The following ADAM12 variants were observed in gnomAD, a reference collection of about 807,000 sequenced individuals.
ADAM12 encodes ADAM metallopeptidase domain 12.
In ADAM12, 70 loss-of-function variants were observed where a neutral mutation model predicts 106.4. The observed-to-expected ratio is 0.66, with a 90% CI of 0.54 to 0.80. ADAM12 has a LOEUF of 0.80. Ranked by LOEUF, ADAM12 falls within the 30% of genes least tolerant of loss-of-function variation. The pLI is 0.00. For synonymous variants in ADAM12, 420 were observed against 433.5 expected (o/e 0.97, Z 0.39); for missense variants, 1,010 against 1,171.9 (o/e 0.86, Z 2.02).
At chr10:126,319,159 G>A (rs1484942583) in intron 2 of ADAM12, among the ~76,000 whole-genome samples, 2 of 152,156 alleles carry the variant, frequency 1.3e-5, no homozygotes, top group Non-Finnish European at 2.9e-5. Context: ...TAAATAGGGA[G>A]CACAGACAAA....
chr10:126,271,779 G>A (rs181450490), intron 3 of ADAM12, among the ~76,000 whole-genome samples: 1 of 152,290 alleles, frequency 6.6e-6, no homozygotes, highest in African/African-American at 2.4e-5. Flanking sequence ...CAAATGAAAA[G>A]CAGAATCTTA....
intron 3 of ADAM12, among the ~76,000 whole-genome samples, chr10:126,177,799 A>G (rs568743213): frequency 2.3e-4 from 35 of 152,330 alleles, no homozygotes; most frequent in Non-Finnish European, 4.6e-4. Context: ...ATTGCAACAA[A>G]GAATGGGAAT....
At chr10:126,364,775 G>A (rs985094148) in intron 1 of ADAM12, among the ~76,000 whole-genome samples, 7 of 152,012 alleles carry the variant, frequency 4.6e-5, no homozygotes, top group Non-Finnish European at 8.8e-5. Flanking sequence ...TAAAAATAAG[G>A]GGGGAAATTA....
chr10:126,337,498 CTCAGCAAGCCAGA>C (rs1854746708), intron 1 of ADAM12, among the ~76,000 whole-genome samples: 1 of 152,196 alleles, frequency 6.6e-6, no homozygotes, highest in South Asian at 2.1e-4. Flanking sequence ...AATCAGAAGC[CTCAGCAAGCCAGA>C]TCATCCCACC....
In ADAM12 at chr10:126,053,025, G is replaced by A. The variant is rs1308393630; in HGVS notation, c.1610-3356C>T. 1.3e-5 allele frequency among the ~76,000 whole-genome samples: 2 copies of A among 152,166 alleles called. No individual in the cohort carries two copies. Among genetic ancestry groups the A allele is most frequent in the Non-Finnish European group, 2.9e-5 (2 of 68,030 alleles). On this transcript the variant is annotated intron_variant, in intron 14 of 22. Coordinates refer to ENST00000448723, the MANE Select transcript of ADAM12 (RefSeq NM_001288973.2). The surrounding 1 kb of genome is among the most constrained non-coding windows in gnomAD (Gnocchi z 4.6). ...TTGGATCATGGGGGCAGTTTCTCTT[G>A]AATGGTTTAGCACCATCACCTTGGT...
Position 126,280,824 on chromosome 10 carries a change from A to G in ADAM12, c.187-1836T>C, listed in dbSNP as rs569936261. On this transcript the variant is annotated intron_variant, in intron 2 of 22. Transcript: ENST00000448723. ...TTTACACAGGCCTTGTTTTTGATGGATTTACTCTAGCAAAAGAGTACAAAA... is the reference window on the plus strand; with the variant it reads ...TTTACACAGGCCTTGTTTTTGATGGGTTTACTCTAGCAAAAGAGTACAAAA... Among the ~76,000 whole-genome samples the G allele has an allele frequency of 2.9e-4, 44 of 152,220 alleles. 1 individual carries two copies. The South Asian group carries it at 8.9e-3, about 31-fold the overall frequency.
At chr10:126,027,283 C>T (rs1953891582) in intron 21 of ADAM12, among the ~76,000 whole-genome samples, 1 of 152,116 alleles carries the variant, frequency 6.6e-6, no homozygotes, top group African/African-American at 2.4e-5. Flanking sequence ...CACAGCTGAA[C>T]TCTACAAGAG....
chr10:126,327,056 C>G (rs1193125462), intron 2 of ADAM12, among the ~76,000 whole-genome samples: 1 of 152,162 alleles, frequency 6.6e-6, no homozygotes, highest in Non-Finnish European at 1.5e-5. Context: ...CCTGAGGTCA[C>G]AGGGGTGGCC....
intron 3 of ADAM12, among the ~76,000 whole-genome samples, chr10:126,239,478 G>T (rs1385857366): frequency 1.3e-5 from 2 of 152,162 alleles, no homozygotes; most frequent in Non-Finnish European, 2.9e-5. Flanking sequence ...GTACTTGGGG[G>T]TGTCTAGACC....
chr10:126,017,163 A>C lies in ADAM12; in HGVS notation c.*116T>G. On this transcript the variant is annotated 3_prime_UTR_variant, in exon 23 of 23. Coordinates refer to ENST00000448723, the MANE Select transcript of ADAM12 (RefSeq NM_001288973.2). ...GACGGCAGTAGCTCAAAGTTCTTAT[A>C]GTAATGATGTTTTAAACATTAAAAA... 1.1e-6 allele frequency: 1 copy of C among 911,480 alleles called. No individual in the cohort carries two copies. The highest frequency in any genetic ancestry group is 1.7e-6 in the Non-Finnish European group (1 of 595,102). The allele number at this position is 911,480 out of a possible 1,614,324, so 56.5% of individuals were successfully genotyped here.
intron 3 of ADAM12, among the ~76,000 whole-genome samples, chr10:126,208,765 T>G: frequency 6.6e-6 from 1 of 152,038 alleles, no homozygotes; most frequent in East Asian, 1.9e-4. Flanking sequence ...AGGAAAATGC[T>G]ATGAAGCCCA....
chr10:126,266,304 C>T (rs1038503050), intron 3 of ADAM12, among the ~76,000 whole-genome samples: 3 of 152,110 alleles, frequency 2.0e-5, no homozygotes, highest in African/African-American at 7.2e-5. Context: ...ACAAGAGCAG[C>T]AGGTGCAGGG....
Position 126,066,595 on chromosome 10 carries a change from G to A in ADAM12, c.1413+122C>T. ...AACACCAACTGGCGTGAGAAGGAGG[G>A]ATGGTGCGTGCTGTGGTGAGTGCTG... On this transcript the variant is annotated intron_variant, in intron 13 of 22. Transcript: ENST00000448723. This position sits in a 1 kb window ranked among gnomAD's most constrained non-coding sequence, Gnocchi z 5.1. The A allele has an allele frequency of 2.3e-6, 2 of 864,358 alleles. No individual in the cohort carries two copies. The highest frequency in any genetic ancestry group is 3.7e-6 in the Non-Finnish European group (2 of 533,742). The allele number at this position is 864,358 out of a possible 1,614,324, so 53.5% of individuals were successfully genotyped here.
At chr10:126,138,024 C>G (rs555027872) in intron 4 of ADAM12, among the ~76,000 whole-genome samples, 2 of 152,186 alleles carry the variant, frequency 1.3e-5, no homozygotes, top group Admixed American at 1.3e-4. Context: ...GAGCATTACA[C>G]GAGGGCTCTA....
At chr10:126,245,858 G>A (rs1958619020) in intron 3 of ADAM12, among the ~76,000 whole-genome samples, 1 of 152,184 alleles carries the variant, frequency 6.6e-6, no homozygotes, top group Admixed American at 6.5e-5. Flanking sequence ...AGAGGATGGG[G>A]TGACAGGAGA....
chr10:126,048,709 C>CT (rs1057343428), intron 16 of ADAM12, among the ~76,000 whole-genome samples: 4 of 147,180 alleles, frequency 2.7e-5, no homozygotes, highest in Admixed American at 1.4e-4. Context: ...ATCTCAAATT[C>CT]TTTTTTTCTT....
intron 11 of ADAM12, among the ~76,000 whole-genome samples, chr10:126,083,829 A>C (rs1282525638): frequency 6.6e-6 from 1 of 152,238 alleles, no homozygotes; most frequent in Non-Finnish European, 1.5e-5. Context: ...ACAGGGACAC[A>C]GCTCTGACCA....
intron 2 of ADAM12, among the ~76,000 whole-genome samples, chr10:126,301,620 G>A (rs1040897657): frequency 6.6e-6 from 1 of 152,094 alleles, no homozygotes; most frequent in African/African-American, 2.4e-5. Context: ...GTGGATTTTT[G>A]GAGAAGCAGG....
chr10:126,381,974 C>CAA (rs11299278), intron 1 of ADAM12, among the ~76,000 whole-genome samples: 3 of 139,154 alleles, frequency 2.2e-5, no homozygotes, highest in African/African-American at 5.4e-5. Flanking sequence ...GACCCTGTCT[C>CAA]AAAAAAAAAA....
Sources: gnomAD v4.1 joint callset for allele counts (sites outside exome capture counted in the v4.1 genomes callset) on GRCh38, gnomAD v4.1.1 for gene constraint, Gnocchi (gnomAD v3.1) non-coding constraint, MANE v1.5 for transcripts, NCBI Gene and HGNC (gene_info 2026-07-23, HGNC 2026-07-21) for gene names.